Variants in SLC39A3 observed in about 807,000 individuals in gnomAD.
SLC39A3 encodes the protein zinc transporter ZIP3.
Under a neutral mutation model 5.1 loss-of-function variants are expected in SLC39A3, and 3 were observed. The ratio of observed to expected loss-of-function variants is 0.59; its 90% CI spans 0.27 to 1.54. The LOEUF is 1.54. Ranked by LOEUF, SLC39A3 falls within the 40% of genes most tolerant of loss-of-function variation. SLC39A3 has a pLI of 0.12. For synonymous variants in SLC39A3, 250 were observed against 218.8 expected, an observed-to-expected ratio of 1.14 and a Z score of -1.26; for missense variants, 412 against 436.4, an observed-to-expected ratio of 0.94 and a Z score of 0.50.
At chr19:2,739,128 C>A (rs1481039004) in intron 1 of SLC39A3, among the ~76,000 whole-genome samples, 1 of 137,812 alleles carries the variant, frequency 7.3e-6, no homozygotes, top group East Asian at 2.2e-4. Context: ...AAAAAAAGGG[C>A]CTCCCTCTCT....
At chr19:2,738,122 C>T (rs1914432563) in intron 1 of SLC39A3, among the ~76,000 whole-genome samples, 1 of 150,624 alleles carries the variant, frequency 6.6e-6, no homozygotes, top group South Asian at 2.1e-4. Flanking sequence ...TCGCTTGAAC[C>T]CAGGAGGCAG....
rs1403410316 is a variant in SLC39A3 at position 2,735,383 on chromosome 19, C to G, written c.210+1665G>C. 2 of 194,282 alleles carry G rather than the reference C, an allele frequency of 1.0e-5. No homozygotes were observed. Among genetic ancestry groups the G allele is most frequent in the Non-Finnish European group, 1.9e-5 (2 of 106,632 alleles). The allele number at this position is 194,282 out of a possible 1,614,324, so 12.0% of individuals were successfully genotyped here. ...CAGGTCTCGCAGGGTGTCATCAGGG[C>G]TGAGATCTCACTGACACCCAGGGTC... On this transcript the variant is annotated intron_variant, in intron 2 of 2. Coordinates refer to ENST00000269740, the MANE Select transcript of SLC39A3 (RefSeq NM_144564.5). The surrounding 1 kb of genome is among the most constrained non-coding windows in gnomAD (Gnocchi z 5.7).
At position 2,734,695 on chromosome 19, in the gene SLC39A3, A is replaced by T. The variant is rs1235598422; in HGVS notation, c.211-1210T>A. The T allele has an allele frequency of 1.0e-6, 1 of 979,484 alleles. No individual in the cohort carries two copies. The highest frequency in any genetic ancestry group is 1.8e-5 in the African/African-American group (1 of 57,112). The allele number at this position is 979,484 out of a possible 1,614,324, so 60.7% of individuals were successfully genotyped here. A position where few individuals can be genotyped will look rare whatever the true frequency, so the allele number is the denominator to read the frequency against. On this transcript the variant is annotated intron_variant, in intron 2 of 2. Coordinates refer to ENST00000269740, the MANE Select transcript of SLC39A3 (RefSeq NM_144564.5). This position sits in a 1 kb window ranked among gnomAD's most constrained non-coding sequence, Gnocchi z 4.6. ...AGGAGCACCCCCCATCGTGACAACC[A>T]CAATGTCCCCAGGCATCGCCCAGTG...
chr19:2,733,009 C>T lies in SLC39A3; in HGVS notation c.687G>A (p.Ala229=), dbSNP rs371213454. 5.9e-5 allele frequency: 94 copies of T among 1,599,262 alleles called. 1 individual carries two copies. The highest frequency in any genetic ancestry group is 3.3e-4 in the Middle Eastern group (2 of 6,024). ...CGCTTACGGTGACCGCCAGCTTGGC[C>T]GCGTCCCGCAGGGGCATGGCACTCC... ...MARSAMPLRD[A]AKLAVTVSAM... is the part of the protein sequence containing the mutation. The change falls in exon 3 of 3, where the codon GCG becomes GCA. Residue 229 remains alanine (A), a synonymous_variant. Transcript: ENST00000269740. This position sits in a 1 kb window ranked among gnomAD's most constrained non-coding sequence, Gnocchi z 6.1.
At chr19:2,739,839 A>T (rs1212136795) in intron 1 of SLC39A3, 106 bp downstream of exon 1, 1 of 152,234 alleles carries the variant, frequency 6.6e-6, no homozygotes, top group Non-Finnish European at 1.5e-5. Flanking sequence ...GCTACCGGGC[A>T]CCGGAGACGG....
At chr19:2,736,667 G>T in intron 2 of SLC39A3, 1 of 1,232,478 alleles carries the variant, frequency 8.1e-7, no homozygotes, top group Non-Finnish European at 1.0e-6. Context: ...ATAAACGTCT[G>T]TAGTCCTAAG....
rs771908157 is a variant in SLC39A3 at position 2,737,128 on chromosome 19, G to A, written c.130C>T (p.Leu44Phe). ...FEKAHRSKKI[L>F]SLCNTFGGGV... ...CCTCCAAAGGTGTTGCAGAGAGAGA[G>A]GATCTTTTTCGAGCGATGGGCCTTC... The change falls in exon 2 of 3, where the codon CTC becomes TTC. Residue 44 changes from leucine to phenylalanine, a missense_variant. Transcript: ENST00000269740. 2 of 1,614,188 alleles carry A rather than the reference G, an allele frequency of 1.2e-6. No homozygotes were observed. The highest frequency in any genetic ancestry group is 1.1e-5 in the South Asian group (1 of 91,078).
Position 2,737,447 on chromosome 19 carries a change from C to T in SLC39A3, c.-122-68G>A, listed in dbSNP as rs181740195. 34 of 1,109,726 alleles carry T rather than the reference C, an allele frequency of 3.1e-5. 1 individual carries two copies. In the African/African-American group the frequency reaches 4.0e-4, roughly 13 times the overall value. 68.7% of individuals were successfully genotyped at this position (1,109,726 alleles called of 1,614,324 possible). ...CTTTTTTTTTTTTTAGACAGAGTCT[C>T]GCTCTGTTGCCAGGCTGGAGTGCAA... On this transcript the variant is annotated intron_variant, in intron 1 of 2. Transcript: ENST00000269740.
Position 2,733,387 on chromosome 19 carries a change from C to T in SLC39A3, c.309G>A (p.Gln103=), listed in dbSNP as rs368337107. The T allele has an allele frequency of 1.2e-6, 2 of 1,613,028 alleles. No individual in the cohort carries two copies. Among genetic ancestry groups the T allele is most frequent in the Non-Finnish European group, 1.7e-6 (2 of 1,180,032 alleles). Residue 103 remains glutamine, a synonymous_variant, in exon 3 of 3, where the codon CAG becomes CAA. Transcript: ENST00000269740. The surrounding 1 kb of genome is among the most constrained non-coding windows in gnomAD (Gnocchi z 6.1). The part of the protein sequence containing the change: ...LGFFMTVFLE[Q]LILTFRKEKP... ...TCTCCTTGCGGAAGGTCAGGATCAG[C>T]TGCTCCAGGAAGACGGTCATGAAGA...
In SLC39A3 at chr19:2,733,494, G is replaced by A. The variant is rs769611509; in HGVS notation, c.211-9C>T. 66 of 1,602,988 alleles carry A rather than the reference G, an allele frequency of 4.1e-5. No homozygotes were observed. Among genetic ancestry groups the A allele is most frequent in the African/African-American group, 1.9e-4 (14 of 74,622 alleles). ...CTCAGGACCTTCTGGAGCTGCAGCC[G>A]GGGACACCCGAGAGAGAGAGAGAGA... On this transcript the variant is annotated splice_polypyrimidine_tract_variant and intron_variant, in intron 2 of 2. Transcript: ENST00000269740. This position sits in a 1 kb window ranked among gnomAD's most constrained non-coding sequence, Gnocchi z 6.1.
chr19:2,739,614 T>C (rs1278136303), intron 1 of SLC39A3: 1 of 152,242 alleles, frequency 6.6e-6, no homozygotes, highest in Non-Finnish European at 1.5e-5. Context: ...AGGCTGTCTG[T>C]CTTGCTCAGG....
Position 2,737,178 on chromosome 19 carries a change from A to G in SLC39A3, c.80T>C (p.Val27Ala), listed in dbSNP as rs1914397063. The change falls in exon 2 of 3, where the codon GTG (valine) becomes GCG (alanine). Residue 27 changes from valine to alanine, a missense_variant. Physicochemically the swap from Val to Ala is moderately conservative, Grantham distance 64. Coordinates refer to ENST00000269740, the MANE Select transcript of SLC39A3 (RefSeq NM_144564.5). Reference sequence around the variant, plus strand: ...CTCAAAATCTGTCTCGATGATCTTCACGGGGAGCAGGGAGCCGAGCAGCAT... The same window carrying G: ...CTCAAAATCTGTCTCGATGATCTTCGCGGGGAGCAGGGAGCCGAGCAGCAT... ...FFMLLGSLLP[V>A]KIIETDFEKA... 6.2e-7 allele frequency: 1 copy of G among 1,614,008 alleles called. No homozygotes were observed. Among genetic ancestry groups the G allele is most frequent in the South Asian group, 1.1e-5 (1 of 91,076 alleles).
intron 1 of SLC39A3, among the ~76,000 whole-genome samples, chr19:2,738,707 C>T (rs11881479): frequency 0.15 from 22,272 of 151,866 alleles, 1,963 homozygotes; most frequent in East Asian, 0.42. Flanking sequence ...GTCGAGAGTT[C>T]GAGACCAGCA....
At chr19:2,736,735 G>A (rs898811272) in intron 2 of SLC39A3, 1 of 1,425,434 alleles carries the variant, frequency 7.0e-7, no homozygotes, top group East Asian at 2.5e-5. Flanking sequence ...AGGAACCGAA[G>A]AGAGGCCATG....
rs558190690 is a variant in SLC39A3, at chr19:2,733,162, C to T, written c.534G>A (p.Ser178=). 2.7e-5 allele frequency: 44 copies of T among 1,610,482 alleles called. No individual in the cohort carries two copies. Among genetic ancestry groups the T allele is most frequent in the Non-Finnish European group, 3.1e-5 (37 of 1,178,882 alleles). The stretch of plus-strand genomic sequence containing the variant: ...CCAGGCCCTCAAAGACCGAGTGGGC[C>T]GACAGCGCGAAGGCCAGGCTGAGCA... ...VRLLSLAFAL[S]AHSVFEGLAL... Residue 178 remains serine, a synonymous_variant, in exon 3 of 3, where the codon TCG becomes TCA. Coordinates refer to ENST00000269740, the MANE Select transcript of SLC39A3 (RefSeq NM_144564.5). The surrounding 1 kb of genome is among the most constrained non-coding windows in gnomAD (Gnocchi z 6.1).
In SLC39A3 at chr19:2,735,814, G is replaced by A. The variant is rs1163316919; in HGVS notation, c.210+1234C>T. 4.1e-6 allele frequency: 4 copies of A among 985,144 alleles called. No homozygotes were observed. Among genetic ancestry groups the A allele is most frequent in the Non-Finnish European group, 4.8e-6 (4 of 829,806 alleles). 61.0% of individuals were successfully genotyped at this position (985,144 alleles called of 1,614,324 possible). ...GGCTGGAAGCTCAGGGAGCCACCCT[G>A]GAACTCTACTCTGCCACACTAACAG... On this transcript the variant is annotated intron_variant, in intron 2 of 2. Coordinates refer to ENST00000269740, the MANE Select transcript of SLC39A3 (RefSeq NM_144564.5). This position sits in a 1 kb window ranked among gnomAD's most constrained non-coding sequence, Gnocchi z 5.7.
At chr19:2,736,552 G>A (rs182412361) in intron 2 of SLC39A3, 6 of 260,466 alleles carry the variant, frequency 2.3e-5, no homozygotes, top group African/African-American at 4.6e-5. Flanking sequence ...ACCCATCCCC[G>A]GTTGAACGTT....
chr19:2,739,060 A>T (rs1914469167), intron 1 of SLC39A3, among the ~76,000 whole-genome samples: 1 of 125,186 alleles, frequency 8.0e-6, no homozygotes, highest in Non-Finnish European at 1.6e-5. Flanking sequence ...AGATCGCGCC[A>T]TTGTACTCCA....
chr19:2,739,390 T>TC (rs1459726793), intron 1 of SLC39A3: 2 of 152,070 alleles, frequency 1.3e-5, no homozygotes, highest in Non-Finnish European at 2.9e-5. Context: ...CTGGGTTTTC[T>TC]CCCCCACCAT....
Sources: allele counts gnomAD v4.1 joint callset (sites outside exome capture counted in the v4.1 genomes callset), GRCh38; gene constraint gnomAD v4.1.1; non-coding constraint Gnocchi (gnomAD v3.1); transcripts MANE v1.5; gene names NCBI Gene and HGNC (gene_info 2026-07-23, HGNC 2026-07-21).